The following CDH12 variants were observed in gnomAD, a reference collection of about 807,000 sequenced individuals.
CDH12 encodes cadherin-12.
A neutral mutation model predicts 74.1 loss-of-function variants in CDH12; 41 were observed. The ratio of observed to expected loss-of-function variants is 0.55; its 90% confidence interval spans 0.43 to 0.72. CDH12 has a LOEUF of 0.72. Among genes scored for constraint, CDH12 ranks in the 30% least tolerant of loss-of-function variants. The probability of loss-of-function intolerance (pLI) is 0.00; values close to 1 mark genes in which losing one functional copy is unlikely to be tolerated. For missense variants in CDH12, 945 were observed against 977.2 expected (o/e 0.97, Z 0.44); for synonymous variants, 399 against 355.0 (o/e 1.12, Z -1.39).
chr5:21,825,166 A>G (rs1748599215), intron 8 of CDH12, among the ~76,000 whole-genome samples: 2 of 151,788 alleles, frequency 1.3e-5, no homozygotes, highest in Admixed American at 1.3e-4. Flanking sequence ...AAAAAAAAAA[A>G]AAGAAAAAAA....
chr5:22,215,183 TTACCAATGTTGC>T (rs72156471), intron 3 of CDH12, among the ~76,000 whole-genome samples: 56,281 of 151,846 alleles, frequency 0.37, 10,931 homozygotes, highest in South Asian at 0.49. Flanking sequence ...TTAAGCAAAT[TTACCAATGTTGC>T]GTAGTCAGTA....
chr5:22,082,508 A>T (rs551412566), intron 4 of CDH12, among the ~76,000 whole-genome samples: 1 of 152,326 alleles, frequency 6.6e-6, no homozygotes, highest in African/African-American at 2.4e-5. Flanking sequence ...GGACAGAAGT[A>T]TATGGTGCAA....
chr5:22,534,365 C>T (rs1561474562), intron 1 of CDH12, among the ~76,000 whole-genome samples: 1 of 152,122 alleles, frequency 6.6e-6, no homozygotes, highest in African/African-American at 2.4e-5. Flanking sequence ...CCACACTTCC[C>T]CTGAGTCCCC....
intron 1 of CDH12, among the ~76,000 whole-genome samples, chr5:22,537,697 T>G (rs565312406): frequency 6.6e-6 from 1 of 152,156 alleles, no homozygotes; most frequent in East Asian, 1.9e-4. Flanking sequence ...TGTGATAAGC[T>G]CTCTCACTCT....
At chr5:22,654,633 T>A (rs1739931961) in intron 1 of CDH12, among the ~76,000 whole-genome samples, 1 of 150,126 alleles carries the variant, frequency 6.7e-6, no homozygotes. Flanking sequence ...GCTTGTTTTT[T>A]TTTTGTTGTT....
At position 22,202,028 on chromosome 5, in the gene CDH12, C is replaced by G. The variant is rs142765443; in HGVS notation, c.-187+10470G>C. Among the ~76,000 whole-genome samples the G allele has an allele frequency of 3.5e-3, 529 of 152,158 alleles. 6 individuals are homozygous for G. The highest frequency in any genetic ancestry group is 0.012 in the African/African-American group (509 of 41,514). ...ACACATTGGGTGGATTAGAGTGCCA[C>G]TTACTGAGACGGTAAAGAGAGAAGA... On this transcript the variant is annotated intron_variant, in intron 4 of 14. Coordinates refer to ENST00000382254, the MANE Select transcript of CDH12 (RefSeq NM_004061.5).
At chr5:22,141,001 T>A (rs1404827268) in intron 4 of CDH12, among the ~76,000 whole-genome samples, 1 of 152,182 alleles carries the variant, frequency 6.6e-6, no homozygotes, top group African/African-American at 2.4e-5. Context: ...TCAGATTAAA[T>A]TAAAACCTTT....
At chr5:22,844,692 G>A (rs1737223026) in intron 1 of CDH12, among the ~76,000 whole-genome samples, 1 of 152,126 alleles carries the variant, frequency 6.6e-6, no homozygotes, top group South Asian at 2.1e-4. Flanking sequence ...TACTCCACAA[G>A]AGGAAATAAG....
At chr5:22,407,745 A>G (rs1279487444) in intron 2 of CDH12, among the ~76,000 whole-genome samples, 1 of 152,108 alleles carries the variant, frequency 6.6e-6, no homozygotes, top group East Asian at 1.9e-4. Context: ...CTTTGGGAAT[A>G]TATTTTCATT....
At chr5:21,779,038 A>G (rs186088528) in intron 11 of CDH12, among the ~76,000 whole-genome samples, 28 of 150,736 alleles carry the variant, frequency 1.9e-4, no homozygotes, top group Admixed American at 1.6e-3. Flanking sequence ...AAGGGAATTC[A>G]CTGTTTTTTT....
intron 1 of CDH12, among the ~76,000 whole-genome samples, chr5:22,543,319 C>T (rs1040719441): frequency 6.6e-6 from 1 of 151,976 alleles, no homozygotes; most frequent in Non-Finnish European, 1.5e-5. Flanking sequence ...GACTGTGTTC[C>T]AATCATGTAG....
At chr5:22,504,733 G>A (rs373986876) in intron 2 of CDH12, among the ~76,000 whole-genome samples, 21 of 151,982 alleles carry the variant, frequency 1.4e-4, no homozygotes, top group Non-Finnish European at 2.2e-4. Context: ...AATTGCCAGC[G>A]CAAGAAACAA....
At chr5:22,159,933 G>A (rs1748232495) in intron 4 of CDH12, among the ~76,000 whole-genome samples, 1 of 152,184 alleles carries the variant, frequency 6.6e-6, no homozygotes, top group African/African-American at 2.4e-5. Flanking sequence ...GCGTGCATGT[G>A]CATGTGTGTG....
intron 1 of CDH12, among the ~76,000 whole-genome samples, chr5:22,596,008 T>TACTCAG (rs1736586771): frequency 1.3e-5 from 2 of 151,288 alleles, no homozygotes; most frequent in South Asian, 4.2e-4. Flanking sequence ...CTCAGGAGGC[T>TACTCAG]GAGGTAGGAG....
chr5:22,078,528 T>C lies in CDH12; in HGVS notation c.149A>G (p.Gln50Arg). Residue 50 changes from glutamine (Q) to arginine (R), a missense_variant, in exon 5 of 15, where the codon CAA (glutamine) becomes CGA (arginine). Physicochemically the swap from Gln to Arg is conservative, Grantham distance 43. This residue lies in a region of CDH12 where 148 missense variants were observed against 162.8 expected (regional missense o/e 0.91). Transcript: ENST00000382254. Reference protein sequence around the residue: ...IHLPGQRSHFQRVKRGWVWNQ... With the variant: ...IHLPGQRSHFRRVKRGWVWNQ... ...CCATACCCAGCCACGTTTAACACGT[T>C]GGAAATGTGACCGTTGTCCTGGCAG... The C allele has an allele frequency of 6.2e-7, 1 of 1,613,968 alleles. No individual in the cohort carries two copies.
chr5:22,288,323 A>T (rs1357439476), intron 3 of CDH12, among the ~76,000 whole-genome samples: 1 of 152,182 alleles, frequency 6.6e-6, no homozygotes, highest in African/African-American at 2.4e-5. Flanking sequence ...ATTTATATTT[A>T]AATATGAATG....
At chr5:22,185,950 C>A (rs193167416) in intron 4 of CDH12, among the ~76,000 whole-genome samples, 10,261 of 152,186 alleles carry the variant, frequency 0.067, 453 homozygotes, top group South Asian at 0.15. Context: ...GTAGGAGAAC[C>A]TGGTCAAATT....
chr5:22,707,218 T>G (rs868339817), intron 1 of CDH12, among the ~76,000 whole-genome samples: 4 of 152,348 alleles, frequency 2.6e-5, no homozygotes, highest in African/African-American at 9.6e-5. Flanking sequence ...AGGATTGTTT[T>G]CATGTTGAAC....
In CDH12 at chr5:22,435,524, G is replaced by GTA. The variant is rs1554040614; in HGVS notation, c.-427-30175_-427-30174dup. Among the ~76,000 whole-genome samples, 934 of 148,822 alleles carry GTA rather than the reference G, an allele frequency of 6.3e-3. 5 individuals are homozygous for GTA. Among genetic ancestry groups the GTA allele is most frequent in the Admixed American group, 7.1e-3 (105 of 14,782 alleles). ...TGTGTGTGTGTGTGTGTGTGTGTGT[G>GTA]TATATACATATATACTATTAGTTCA... On this transcript the variant is annotated intron_variant, in intron 2 of 14. Transcript: ENST00000382254.
Sources: allele counts gnomAD v4.1 joint callset (sites outside exome capture counted in the v4.1 genomes callset), GRCh38; gene constraint gnomAD v4.1.1; regional missense constraint gnomAD v4.1.1; transcripts MANE v1.5; gene names NCBI Gene and HGNC (gene_info 2026-07-23, HGNC 2026-07-21).